Variants in EYS observed in about 807,000 individuals in gnomAD.
EYS encodes EGF-like photoreceptor maintenance factor, also known as protein eyes shut homolog.
EYS carries 250 observed loss-of-function variants against 282.1 expected under a neutral mutation model. The ratio of observed to expected loss-of-function variants is 0.89; its 90% CI spans 0.80 to 0.98. EYS has a LOEUF of 0.98. Among genes scored for constraint, EYS ranks in the 50% least tolerant of loss-of-function variants. The pLI is 0.00. For missense variants in EYS, 4,016 were observed against 3,709.0 expected (o/e 1.08, Z -2.15); for synonymous variants, 1,355 against 1,282.9 (o/e 1.06, Z -1.20).
chr6:63,789,957 T>A (rs1770465104), intron 37 of EYS, among the ~76,000 whole-genome samples: 1 of 152,104 alleles, frequency 6.6e-6, no homozygotes, highest in Non-Finnish European at 1.5e-5. Flanking sequence ...GATCCATCAG[T>A]ATATAGCAAG....
intron 1 of EYS, among the ~76,000 whole-genome samples, chr6:65,686,239 G>A (rs756998267): frequency 4.6e-5 from 7 of 152,024 alleles, no homozygotes; most frequent in Admixed American, 6.6e-5. Flanking sequence ...TTTCTCTGGC[G>A]TTCTTCCCGG....
At chr6:65,029,363 A>G (rs1772526055) in intron 13 of EYS, among the ~76,000 whole-genome samples, 2 of 152,190 alleles carry the variant, frequency 1.3e-5, no homozygotes, top group South Asian at 2.1e-4. Flanking sequence ...ATATTGATAT[A>G]CATACATTTA....
chr6:65,149,938 A>G (rs1017945706), intron 12 of EYS, among the ~76,000 whole-genome samples: 1 of 152,146 alleles, frequency 6.6e-6, no homozygotes, highest in Non-Finnish European at 1.5e-5. Context: ...AAGAAGCAAA[A>G]GCAAAATGTC....
chr6:64,104,934 G>C (rs1297398712), intron 31 of EYS, among the ~76,000 whole-genome samples: 8 of 151,598 alleles, frequency 5.3e-5, no homozygotes, highest in African/African-American at 1.9e-4. Flanking sequence ...GTGTGTCCTG[G>C]GACTAGATAA....
intron 31 of EYS, among the ~76,000 whole-genome samples, chr6:64,196,661 G>A (rs1479568054): frequency 1.2e-4 from 18 of 150,062 alleles, no homozygotes; most frequent in South Asian, 1.1e-3. Flanking sequence ...ACCAAACACC[G>A]CATGTTCTCA....
At chr6:65,384,904 G>T (rs1161688055) in intron 7 of EYS, among the ~76,000 whole-genome samples, 1 of 151,876 alleles carries the variant, frequency 6.6e-6, no homozygotes, top group Non-Finnish European at 1.5e-5. Context: ...ATGAATTTGA[G>T]ACAGGATAGA....
chr6:64,064,143 C>T (rs536988856), intron 33 of EYS, among the ~76,000 whole-genome samples: 2 of 152,246 alleles, frequency 1.3e-5, no homozygotes, highest in East Asian at 3.9e-4. Context: ...ATGTTTCTTT[C>T]ATTAACAACA....
intron 22 of EYS, among the ~76,000 whole-genome samples, chr6:64,748,371 A>T (rs1339649983): frequency 1.3e-5 from 2 of 152,198 alleles, no homozygotes. Flanking sequence ...GTGAGGAGGA[A>T]CGGTTTCATT....
intron 2 of EYS, among the ~76,000 whole-genome samples, chr6:65,530,905 A>T (rs1767742864): frequency 6.6e-6 from 1 of 152,142 alleles, no homozygotes; most frequent in East Asian, 1.9e-4. Context: ...ATTCCAATAA[A>T]CATATTTTTC....
chr6:65,224,308 A>G (rs1366517147), intron 12 of EYS, among the ~76,000 whole-genome samples: 1 of 152,216 alleles, frequency 6.6e-6, no homozygotes, highest in Non-Finnish European at 1.5e-5. Context: ...ACTCTTAACC[A>G]ATCAGTCAAA....
At chr6:64,005,782 T>C (rs764657533) in intron 33 of EYS, among the ~76,000 whole-genome samples, 4 of 152,160 alleles carry the variant, frequency 2.6e-5, no homozygotes, top group Non-Finnish European at 5.9e-5. Context: ...GTTGTAGGTG[T>C]ATGGCATTAC....
chr6:64,326,724 G>A (rs182855929), intron 29 of EYS, among the ~76,000 whole-genome samples: 110 of 152,264 alleles, frequency 7.2e-4, no homozygotes, highest in Non-Finnish European at 1.3e-3. Flanking sequence ...TGCCAGGAGA[G>A]TTTCAGCCTG....
At chr6:64,523,822 A>T (rs1447746123) in intron 26 of EYS, among the ~76,000 whole-genome samples, 2 of 151,656 alleles carry the variant, frequency 1.3e-5, no homozygotes, top group African/African-American at 4.8e-5. Flanking sequence ...CAATCAAAGC[A>T]CTTCCTCCTT....
At chr6:64,152,069 C>T (rs915818222) in intron 31 of EYS, among the ~76,000 whole-genome samples, 2 of 152,064 alleles carry the variant, frequency 1.3e-5, no homozygotes, top group Non-Finnish European at 1.5e-5. Context: ...GGTTTTTAAA[C>T]ATGTGCTTTA....
intron 26 of EYS, among the ~76,000 whole-genome samples, chr6:64,580,474 G>A (rs561986047): frequency 1.3e-5 from 2 of 152,146 alleles, no homozygotes; most frequent in Non-Finnish European, 2.9e-5. Flanking sequence ...CATGAGAAGG[G>A]ACTATGAGCA....
At chr6:64,964,415 T>G (rs1770028294) in intron 14 of EYS, among the ~76,000 whole-genome samples, 1 of 152,160 alleles carries the variant, frequency 6.6e-6, no homozygotes. Flanking sequence ...TTATTAGACT[T>G]TTTAGCTTTA....
At chr6:64,132,727 A>C (rs1562217575) in intron 31 of EYS, among the ~76,000 whole-genome samples, 1 of 151,862 alleles carries the variant, frequency 6.6e-6, no homozygotes, top group African/African-American at 2.4e-5. Context: ...CAGTATATTC[A>C]ATACTATTTG....
At chr6:65,555,929 T>G (rs1768782831) in intron 2 of EYS, among the ~76,000 whole-genome samples, 2 of 152,232 alleles carry the variant, frequency 1.3e-5, no homozygotes, top group African/African-American at 4.8e-5. Flanking sequence ...AATATATAAT[T>G]AAAATTAATT....
intron 2 of EYS, among the ~76,000 whole-genome samples, chr6:65,581,751 AT>A (rs1389246614): frequency 6.6e-6 from 1 of 152,180 alleles, no homozygotes; most frequent in African/African-American, 2.4e-5. Context: ...AATAATGAAA[AT>A]CATTTATAAA....
Sources: gnomAD v4.1 joint callset for allele counts (sites outside exome capture counted in the v4.1 genomes callset) on GRCh38, gnomAD v4.1.1 for gene constraint, MANE v1.5 for transcripts, NCBI Gene and HGNC (gene_info 2026-07-23, HGNC 2026-07-21) for gene names.